Variants in EYA1 observed in about 807,000 individuals in gnomAD.
EYA1 encodes the protein EYA transcriptional coactivator and phosphatase 1, also known as protein phosphatase EYA1.
A neutral mutation model predicts 82.0 loss-of-function variants in EYA1; 16 were observed. That is an observed-to-expected ratio of 0.20 (90% CI 0.13 to 0.30). EYA1 has a LOEUF of 0.30. Among genes scored for constraint, EYA1 ranks in the 10% least tolerant of loss-of-function variants. EYA1 has a pLI of 1.00. For synonymous variants in EYA1, 261 were observed against 264.4 expected (o/e 0.99, Z 0.12); for missense variants, 633 against 730.7 (o/e 0.87, Z 1.54).
intron 2 of EYA1, among the ~76,000 whole-genome samples, chr8:71,507,372 T>A (rs1035625988): frequency 6.6e-6 from 1 of 152,180 alleles, no homozygotes; most frequent in Admixed American, 6.5e-5. Flanking sequence ...CATTGAGATA[T>A]AATTTTTTAC....
intron 17 of EYA1, among the ~76,000 whole-genome samples, chr8:71,210,949 A>G (rs977479567): frequency 6.6e-6 from 1 of 152,146 alleles, no homozygotes; most frequent in Non-Finnish European, 1.5e-5. Flanking sequence ...TATGAACACC[A>G]CTTGTGGCCC....
chr8:71,349,293 C>T (rs137997950), intron 3 of EYA1, among the ~76,000 whole-genome samples: 3 of 152,164 alleles, frequency 2.0e-5, no homozygotes, highest in Non-Finnish European at 2.9e-5. Context: ...TCTTGCACAG[C>T]GCTGCTGTTT....
chr8:71,428,386 T>G (rs1323212131), intron 2 of EYA1, among the ~76,000 whole-genome samples: 4 of 152,238 alleles, frequency 2.6e-5, no homozygotes, highest in Non-Finnish European at 5.9e-5. Context: ...ATGCAACTAT[T>G]ACAAAACTAA....
intron 2 of EYA1, among the ~76,000 whole-genome samples, chr8:71,398,383 A>G (rs1452175510): frequency 6.6e-6 from 1 of 152,194 alleles, no homozygotes; most frequent in African/African-American, 2.4e-5. Flanking sequence ...TCTGATTTTT[A>G]GAATTTTCAG....
At chr8:71,349,177 G>GAC (rs1362881394) in intron 3 of EYA1, among the ~76,000 whole-genome samples, 1 of 152,140 alleles carries the variant, frequency 6.6e-6, no homozygotes, top group Non-Finnish European at 1.5e-5. Context: ...CCACAGGAAG[G>GAC]ACTCTCACAC....
chr8:71,479,588 A>T (rs2129210157), intron 2 of EYA1, among the ~76,000 whole-genome samples: 1 of 151,362 alleles, frequency 6.6e-6, no homozygotes, highest in South Asian at 2.1e-4. Context: ...GAATGAGCAG[A>T]AACAGTAAAA....
At chr8:71,317,283 A>G (rs577526094) in intron 7 of EYA1, among the ~76,000 whole-genome samples, 2 of 152,340 alleles carry the variant, frequency 1.3e-5, no homozygotes, top group South Asian at 4.1e-4. Flanking sequence ...GAAGACACAA[A>G]GGCAAAAATG....
At chr8:71,421,486 G>T (rs892907843) in intron 2 of EYA1, among the ~76,000 whole-genome samples, 7 of 152,136 alleles carry the variant, frequency 4.6e-5, no homozygotes, top group African/African-American at 1.7e-4. Flanking sequence ...CTTCTACTAT[G>T]CCAAGTTGCC....
At chr8:71,410,113 G>A (rs964373363) in intron 2 of EYA1, among the ~76,000 whole-genome samples, 19 of 151,628 alleles carry the variant, frequency 1.3e-4, no homozygotes, top group African/African-American at 3.4e-4. Context: ...TATAAACAGA[G>A]CCAAAGACAA....
At chr8:71,355,157 C>G (rs778596938) in intron 2 of EYA1, among the ~76,000 whole-genome samples, 48 of 152,246 alleles carry the variant, frequency 3.2e-4, no homozygotes, top group Middle Eastern at 3.4e-3. Context: ...TCATTTTTCT[C>G]TTACACAGTT....
intron 2 of EYA1, among the ~76,000 whole-genome samples, chr8:71,524,446 T>C (rs761125881): frequency 6.6e-5 from 10 of 152,236 alleles, no homozygotes; most frequent in African/African-American, 1.2e-4. Context: ...AGTATTCATT[T>C]TTAGGCTTGT....
chr8:71,443,589 C>G (rs1044385771), intron 2 of EYA1, among the ~76,000 whole-genome samples: 4 of 152,162 alleles, frequency 2.6e-5, no homozygotes, highest in Non-Finnish European at 5.9e-5. Flanking sequence ...TAATCTGCAT[C>G]TACAAGAGGA....
At chr8:71,344,241 T>G (rs1825470557) in intron 3 of EYA1, among the ~76,000 whole-genome samples, 1 of 152,288 alleles carries the variant, frequency 6.6e-6, no homozygotes, top group East Asian at 1.9e-4. Flanking sequence ...GATTGAAATA[T>G]TTTTAGCTTA....
At chr8:71,490,652 T>G (rs1238395492) in intron 2 of EYA1, among the ~76,000 whole-genome samples, 1 of 152,222 alleles carries the variant, frequency 6.6e-6, no homozygotes, top group Non-Finnish European at 1.5e-5. Flanking sequence ...GCTTACAAGA[T>G]AAGCCTACTT....
chr8:71,302,626 A>C (rs1051267628), intron 7 of EYA1, among the ~76,000 whole-genome samples: 1 of 142,818 alleles, frequency 7.0e-6, no homozygotes, highest in Non-Finnish European at 1.6e-5. Context: ...AGGTGTACAT[A>C]CTAGAGAATC....
At chr8:71,413,063 A>G (rs1423275450) in intron 2 of EYA1, among the ~76,000 whole-genome samples, 1 of 152,230 alleles carries the variant, frequency 6.6e-6, no homozygotes, top group Non-Finnish European at 1.5e-5. Flanking sequence ...TAAAAGTGCC[A>G]TAGTTTAACT....
chr8:71,381,776 C>T (rs1828716663), intron 2 of EYA1, among the ~76,000 whole-genome samples: 1 of 152,204 alleles, frequency 6.6e-6, no homozygotes, highest in African/African-American at 2.4e-5. Flanking sequence ...CATCCCCCTC[C>T]CACCCCTACA....
At chr8:71,456,130 C>T (rs1316827164) in intron 2 of EYA1, among the ~76,000 whole-genome samples, 1 of 152,114 alleles carries the variant, frequency 6.6e-6, no homozygotes, top group African/African-American at 2.4e-5. Flanking sequence ...AACAGAGAGC[C>T]AAATCATGAG....
chr8:71,322,424 C>A, intron 4 of EYA1, 156 bp from the exon 5 acceptor site: 1 of 679,664 alleles, frequency 1.5e-6, no homozygotes, highest in Admixed American at 2.2e-5. Flanking sequence ...TCATATGGTT[C>A]CACCTAACAG....
Sources: allele counts gnomAD v4.1 joint callset (sites outside exome capture counted in the v4.1 genomes callset), GRCh38; gene constraint gnomAD v4.1.1; transcripts MANE v1.5; gene names NCBI Gene and HGNC (gene_info 2026-07-23, HGNC 2026-07-21).